Variants in PRKN observed in about 807,000 individuals in gnomAD.
PRKN encodes the protein parkin RBR E3 ubiquitin protein ligase.
PRKN carries 56 observed loss-of-function variants against 59.5 expected under a neutral mutation model. The observed-to-expected ratio is 0.94, with a 90% CI of 0.76 to 1.18. The LOEUF (loss-of-function observed/expected upper bound fraction) is 1.18, where lower values mean the gene tolerates loss of function less well. Among genes scored for constraint, PRKN ranks in the 50% most tolerant of loss-of-function variants. The pLI, the probability that PRKN is intolerant of heterozygous loss-of-function variation, is 0.00. For missense variants in PRKN, 657 were observed against 596.4 expected (o/e 1.10, Z -1.06); for synonymous variants, 250 against 222.1 (o/e 1.13, Z -1.12).
intron 2 of PRKN, among the ~76,000 whole-genome samples, chr6:162,304,528 T>TATCTATCATCTATC (rs200436641): frequency 7.1e-6 from 1 of 141,462 alleles, no homozygotes; most frequent in Non-Finnish European, 1.5e-5. Context: ...TCTATCTATC[T>TATCTATCATCTATC]ATCTATCTAT....
chr6:161,678,518 CA>C (rs1785175985), intron 7 of PRKN, among the ~76,000 whole-genome samples: 1 of 150,114 alleles, frequency 6.7e-6, no homozygotes, highest in South Asian at 2.1e-4. Context: ...TCAATTCTGG[CA>C]TTTATTTAAG....
chr6:162,471,355 T>G (rs1488062119), intron 1 of PRKN, among the ~76,000 whole-genome samples: 1 of 151,322 alleles, frequency 6.6e-6, no homozygotes, highest in Non-Finnish European at 1.5e-5. Flanking sequence ...GCCTCAGCCT[T>G]CCAAAGTGCT....
chr6:161,582,634 A>G lies in PRKN; in HGVS notation c.872-13218T>C, dbSNP rs1022512633. 2.6e-5 allele frequency among the ~76,000 whole-genome samples: 4 copies of G among 151,976 alleles called. No homozygotes were observed. The highest frequency in any genetic ancestry group is 7.3e-5 in the African/African-American group (3 of 41,364). ...AGTAGAGATGGGGTTTCACCATGTT[A>G]GCCAGGATGGTCTCGATCTGCTGAC... On this transcript the variant is annotated intron_variant, in intron 7 of 11. Transcript: ENST00000366898. This position sits in a 1 kb window ranked among gnomAD's most constrained non-coding sequence, Gnocchi z 4.4.
chr6:162,301,770 A>C (rs2128113674), intron 2 of PRKN, among the ~76,000 whole-genome samples: 1 of 63,864 alleles, frequency 1.6e-5, no homozygotes, highest in East Asian at 5.3e-4. Context: ...TTCAGCAAAT[A>C]AATTGGCCGG....
At chr6:161,694,930 G>T (rs949955687) in intron 7 of PRKN, among the ~76,000 whole-genome samples, 8 of 152,032 alleles carry the variant, frequency 5.3e-5, no homozygotes, top group African/African-American at 1.9e-4. Flanking sequence ...TCTCCTGGTG[G>T]GCATTCACTA....
chr6:162,469,353 G>C (rs919634370), intron 1 of PRKN, among the ~76,000 whole-genome samples: 1 of 91,150 alleles, frequency 1.1e-5, no homozygotes, highest in Non-Finnish European at 2.5e-5. Flanking sequence ...GGGTTGCAGG[G>C]GGGGGTGGGT....
chr6:161,358,144 T>C (rs1214198119), intron 11 of PRKN, among the ~76,000 whole-genome samples: 1 of 152,244 alleles, frequency 6.6e-6, no homozygotes, highest in Non-Finnish European at 1.5e-5. Flanking sequence ...TGGGTGTGTT[T>C]GCCTATTATA....
chr6:161,472,079 C>A (rs1431704814), intron 9 of PRKN, among the ~76,000 whole-genome samples: 1 of 152,010 alleles, frequency 6.6e-6, no homozygotes, highest in Non-Finnish European at 1.5e-5. Context: ...CATGTTTGGA[C>A]CAGGGTGTTT....
chr6:162,276,815 T>C (rs1186196984), intron 2 of PRKN, among the ~76,000 whole-genome samples: 3 of 152,106 alleles, frequency 2.0e-5, no homozygotes, highest in Non-Finnish European at 4.4e-5. Context: ...CAGTAGTATA[T>C]ACACATTTCC....
At chr6:162,420,259 T>TGGG (rs72356769) in intron 2 of PRKN, among the ~76,000 whole-genome samples, 3 of 80,460 alleles carry the variant, frequency 3.7e-5, no homozygotes, top group African/African-American at 1.3e-4. Flanking sequence ...CATTTCACAA[T>TGGG]GGCGGGGAGG....
rs566309993 is a variant in PRKN, at chr6:162,030,120, G to A, written c.618+23971C>T. 2.6e-5 allele frequency among the ~76,000 whole-genome samples: 4 copies of A among 152,198 alleles called. No individual in the cohort carries two copies. In the South Asian group the frequency reaches 8.3e-4, roughly 32 times the overall value. ...CTCTGAAAGTGCTGAGATTACAGGC[G>A]AGAACCACCGTGCCCAGCCGCTGCA... On this transcript the variant is annotated intron_variant, in intron 5 of 11. Transcript: ENST00000366898.
At chr6:161,383,874 C>T (rs972157683) in intron 10 of PRKN, among the ~76,000 whole-genome samples, 9 of 152,344 alleles carry the variant, frequency 5.9e-5, no homozygotes, top group Admixed American at 5.2e-4. Context: ...GCAGCAAAGA[C>T]CCCAATTAGT....
At chr6:162,578,571 G>C (rs1168684166) in intron 1 of PRKN, among the ~76,000 whole-genome samples, 1 of 152,146 alleles carries the variant, frequency 6.6e-6, no homozygotes, top group Non-Finnish European at 1.5e-5. Context: ...GAACAGGAAA[G>C]GAGTACAAGC....
intron 3 of PRKN, among the ~76,000 whole-genome samples, chr6:162,255,104 A>T (rs1362466439): frequency 6.6e-6 from 1 of 150,852 alleles, no homozygotes; most frequent in African/African-American, 2.4e-5. Context: ...AAATAAAATA[A>T]AATAAAATAA....
At chr6:162,512,984 A>G (rs549082589) in intron 1 of PRKN, among the ~76,000 whole-genome samples, 1 of 152,268 alleles carries the variant, frequency 6.6e-6, no homozygotes, top group South Asian at 2.1e-4. Flanking sequence ...GGCTGGCACA[A>G]ATCCTAAACT....
At chr6:161,437,544 T>C (rs1248677086) in intron 9 of PRKN, among the ~76,000 whole-genome samples, 1 of 152,138 alleles carries the variant, frequency 6.6e-6, no homozygotes, top group Non-Finnish European at 1.5e-5. Context: ...ACTGGTGGCG[T>C]GGATGCCACA....
chr6:161,959,239 G>A (rs1050126350), intron 6 of PRKN, among the ~76,000 whole-genome samples: 10 of 152,154 alleles, frequency 6.6e-5, no homozygotes, highest in African/African-American at 1.7e-4. Context: ...GATGTGAGGC[G>A]TGTGGCCAGG....
chr6:161,612,453 G>C (rs1321201872), intron 7 of PRKN, among the ~76,000 whole-genome samples: 1 of 152,138 alleles, frequency 6.6e-6, no homozygotes, highest in African/African-American at 2.4e-5. Flanking sequence ...AGGCGCGGTG[G>C]CTCACACCCA....
intron 2 of PRKN, among the ~76,000 whole-genome samples, chr6:162,358,983 C>T (rs1384219754): frequency 6.8e-6 from 1 of 147,506 alleles, no homozygotes; most frequent in Non-Finnish European, 1.5e-5. Context: ...TCATTTGAAC[C>T]TGGGAGGTGG....
Sources: gnomAD v4.1 joint callset for allele counts (sites outside exome capture counted in the v4.1 genomes callset) on GRCh38, gnomAD v4.1.1 for gene constraint, Gnocchi (gnomAD v3.1) non-coding constraint, MANE v1.5 for transcripts, NCBI Gene and HGNC (gene_info 2026-07-23, HGNC 2026-07-21) for gene names.